The following FAM219A variants were observed in gnomAD, a reference collection of about 807,000 sequenced individuals.
The protein encoded by FAM219A is protein FAM219A.
In FAM219A, 7 loss-of-function variants were observed where a neutral mutation model predicts 23.4. The ratio of observed to expected loss-of-function variants is 0.30; its 90% confidence interval spans 0.17 to 0.56. The LOEUF (loss-of-function observed/expected upper bound fraction) is 0.56, where lower values mean the gene tolerates loss of function less well. Among genes scored for constraint, FAM219A ranks in the 20% least tolerant of loss-of-function variants. The pLI is 0.92. For synonymous variants in FAM219A, 93 were observed against 99.0 expected (o/e 0.94, Z 0.36); for missense variants, 166 against 246.9 (o/e 0.67, Z 2.20).
At chr9:34,436,004 C>T (rs186766230) in intron 1 of FAM219A, among the ~76,000 whole-genome samples, 1 of 152,150 alleles carries the variant, frequency 6.6e-6, no homozygotes, top group East Asian at 1.9e-4. Flanking sequence ...AGGGTTTCAC[C>T]ATGTTGATCA....
intron 1 of FAM219A, among the ~76,000 whole-genome samples, chr9:34,431,313 AACAG>A (rs921567268): frequency 1.3e-3 from 194 of 152,258 alleles, no homozygotes; most frequent in African/African-American, 4.4e-3. Flanking sequence ...GTGATAAATC[AACAG>A]ACAGCTCATC....
intron 1 of FAM219A, among the ~76,000 whole-genome samples, chr9:34,438,047 C>A (rs1024844234): frequency 2.0e-5 from 3 of 152,212 alleles, no homozygotes; most frequent in Admixed American, 1.3e-4. Context: ...CGGCCAGGGG[C>A]AATGAGGGGC....
intron 1 of FAM219A, among the ~76,000 whole-genome samples, chr9:34,432,460 A>G (rs1319857943): frequency 1.3e-5 from 2 of 152,068 alleles, no homozygotes; most frequent in Non-Finnish European, 2.9e-5. Flanking sequence ...ATTTTTCTGG[A>G]AGCTATTTTC....
chr9:34,444,155 A>G (rs1425191360), intron 1 of FAM219A, among the ~76,000 whole-genome samples: 1 of 152,206 alleles, frequency 6.6e-6, no homozygotes, highest in East Asian at 1.9e-4. Flanking sequence ...TCCTCAGGGA[A>G]CAGCTTTGGC....
intron 1 of FAM219A, among the ~76,000 whole-genome samples, chr9:34,415,401 T>C (rs1391508647): frequency 1.3e-5 from 2 of 152,262 alleles, no homozygotes; most frequent in Non-Finnish European, 2.9e-5. Context: ...TAATGGTATC[T>C]GTCACTGGGA....
chr9:34,416,172 AGAAGAAAGAGAAAAG>A lies in FAM219A; in HGVS notation c.61-10223_61-10209del, dbSNP rs1392885711. Reference sequence around the variant, plus strand: ...GCCTGAGTGACAGAGTGAGATCCTGAGAAGAAAGAGAAAAGAAAGAAAGAAAGAAAGAAAGAAAGA... The same window carrying A: ...GCCTGAGTGACAGAGTGAGATCCTGAAAAGAAAGAAAGAAAGAAAGAAAGA... On this transcript the variant is annotated intron_variant, in intron 1 of 5. Transcript: ENST00000651358. 5.5e-5 allele frequency among the ~76,000 whole-genome samples: 8 copies of A among 145,922 alleles called. No homozygotes were observed. The East Asian group carries it at 1.7e-3, about 30-fold the overall frequency.
In FAM219A at chr9:34,437,967, G is replaced by T. The variant is rs572208268; in HGVS notation, c.60+20237C>A. 2.0e-4 allele frequency among the ~76,000 whole-genome samples: 31 copies of T among 152,348 alleles called. No homozygotes were observed. The South Asian group carries it at 6.4e-3, about 32-fold the overall frequency. ...AACCCGGGCTGCGCGTGGCGCTTGC[G>T]GGCCACCTGGAGTTCCGAGTGGGCG... On this transcript the variant is annotated intron_variant, in intron 1 of 5. Transcript: ENST00000651358.
chr9:34,418,043 A>C (rs910568674), intron 1 of FAM219A, among the ~76,000 whole-genome samples: 2 of 152,174 alleles, frequency 1.3e-5, no homozygotes, highest in Non-Finnish European at 2.9e-5. Flanking sequence ...CCTTGCTTTT[A>C]GATGTGGGGT....
chr9:34,428,207 T>C (rs1432841300), intron 1 of FAM219A, among the ~76,000 whole-genome samples: 4 of 152,126 alleles, frequency 2.6e-5, no homozygotes, highest in East Asian at 3.9e-4. Context: ...CTTGTAACCA[T>C]GTTCAACAGG....
chr9:34,432,843 T>A (rs1046314915), intron 1 of FAM219A, among the ~76,000 whole-genome samples: 2 of 152,204 alleles, frequency 1.3e-5, no homozygotes, highest in Non-Finnish European at 2.9e-5. Flanking sequence ...GGTATCATTT[T>A]AAAAACAATT....
At chr9:34,437,409 C>G (rs2131992510) in intron 1 of FAM219A, among the ~76,000 whole-genome samples, 1 of 152,330 alleles carries the variant, frequency 6.6e-6, no homozygotes, top group Non-Finnish European at 1.5e-5. Context: ...CCCCAGTGTC[C>G]TTCCACAGCC....
chr9:34,418,456 A>G (rs940096435), intron 1 of FAM219A, among the ~76,000 whole-genome samples: 1 of 152,218 alleles, frequency 6.6e-6, no homozygotes, highest in Non-Finnish European at 1.5e-5. Context: ...AAGCCTGTGC[A>G]TAAGGGCCTA....
chr9:34,425,467 C>G (rs1190749281), intron 1 of FAM219A, among the ~76,000 whole-genome samples: 1 of 152,052 alleles, frequency 6.6e-6, no homozygotes, highest in Non-Finnish European at 1.5e-5. Context: ...GCAACAAGAA[C>G]AAAACTCTGT....
Position 34,402,096 on chromosome 9 carries a change from T to C in FAM219A, c.344+291A>G, listed in dbSNP as rs12551491. 0.13 allele frequency among the ~76,000 whole-genome samples: 19,894 copies of C among 151,812 alleles called. 1,317 individuals carry two copies. The highest frequency in any genetic ancestry group is 0.15 in the South Asian group (716 of 4,814). The stretch of plus-strand genomic sequence containing the variant: ...TGAGGGGATGGGGCATTAAGCATCA[T>C]ATTCTGCTGTCCAGAGACAACATCA... On this transcript the variant is annotated intron_variant, in intron 4 of 5. Transcript: ENST00000651358.
intron 1 of FAM219A, among the ~76,000 whole-genome samples, chr9:34,426,408 A>G (rs1406507610): frequency 6.6e-6 from 1 of 152,182 alleles, no homozygotes; most frequent in Non-Finnish European, 1.5e-5. Flanking sequence ...CCTAGTCTAT[A>G]GTACACCCTG....
chr9:34,426,546 G>A (rs912245722), intron 1 of FAM219A, among the ~76,000 whole-genome samples: 1 of 152,202 alleles, frequency 6.6e-6, no homozygotes, highest in African/African-American at 2.4e-5. Flanking sequence ...CACAGTGCCT[G>A]GAGCATGCAG....
rs2131917115 is a variant in FAM219A, at chr9:34,399,695, A to G, written c.*1269T>C. 6.6e-6 allele frequency: 1 copy of G among 152,252 alleles called. No individual in the cohort carries two copies. Among genetic ancestry groups the G allele is most frequent in the East Asian group, 1.9e-4 (1 of 5,178 alleles). 9.4% of individuals were successfully genotyped at this position (152,252 alleles called of 1,614,324 possible). Reference sequence around the variant, plus strand: ...CAGGTATAAAAGGATCTTCAACATAATTTCAGCTGCTGTTCATTTTCTAGT... The same window carrying G: ...CAGGTATAAAAGGATCTTCAACATAGTTTCAGCTGCTGTTCATTTTCTAGT... On this transcript the variant is annotated 3_prime_UTR_variant, in exon 6 of 6. Transcript: ENST00000651358.
chr9:34,406,864 G>A (rs1821654117), intron 1 of FAM219A, among the ~76,000 whole-genome samples: 1 of 148,324 alleles, frequency 6.7e-6, no homozygotes, highest in South Asian at 2.1e-4. Context: ...GTGCAGTGGT[G>A]CAATCTTGGC....
intron 1 of FAM219A, among the ~76,000 whole-genome samples, chr9:34,448,263 T>C (rs984103318): frequency 1.3e-5 from 2 of 152,196 alleles, no homozygotes; most frequent in African/African-American, 4.8e-5. Context: ...AGAGTTCCCC[T>C]TTCCTGTGTT....
Sources: allele counts gnomAD v4.1 joint callset (sites outside exome capture counted in the v4.1 genomes callset), GRCh38; gene constraint gnomAD v4.1.1; transcripts MANE v1.5; gene names NCBI Gene and HGNC (gene_info 2026-07-23, HGNC 2026-07-21).